The following C8A variants were observed in gnomAD, a reference collection of about 807,000 sequenced individuals.
C8A encodes complement component C8 alpha chain.
A neutral mutation model predicts 65.3 loss-of-function variants in C8A; 67 were observed. The observed-to-expected ratio is 1.03, with a 90% confidence interval of 0.84 to 1.26. The LOEUF (loss-of-function observed/expected upper bound fraction) is 1.26, where lower values mean the gene tolerates loss of function less well. C8A is among the 50% of genes most tolerant of loss of function. The pLI is 0.00. For missense variants in C8A, 781 were observed against 723.9 expected, an observed-to-expected ratio of 1.08 and a Z score of -0.90; for synonymous variants, 290 against 259.4, an observed-to-expected ratio of 1.12 and a Z score of -1.13.
chr1:56,905,425 A>G (rs1644456834), intron 7 of C8A, among the ~76,000 whole-genome samples: 1 of 152,038 alleles, frequency 6.6e-6, no homozygotes, highest in Non-Finnish European at 1.5e-5. Context: ...TTACCAAAAG[A>G]CTCGGGGCAT....
At chr1:56,871,093 C>A in intron 2 of C8A, among the ~76,000 whole-genome samples, 1 of 152,146 alleles carries the variant, frequency 6.6e-6, no homozygotes, top group East Asian at 1.9e-4. Flanking sequence ...CACCATAATT[C>A]CCAGTATAGA....
chr1:56,907,465 A>G (rs562640675), intron 8 of C8A, among the ~76,000 whole-genome samples: 1 of 152,238 alleles, frequency 6.6e-6, no homozygotes, highest in South Asian at 2.1e-4. Flanking sequence ...TTACCTGGCA[A>G]ATATTCACTA....
intron 7 of C8A, among the ~76,000 whole-genome samples, chr1:56,905,744 C>A (rs1644459555): frequency 6.6e-6 from 1 of 152,196 alleles, no homozygotes; most frequent in Non-Finnish European, 1.5e-5. Flanking sequence ...TTAAAGGAAT[C>A]ATGTCTCAAA....
intron 7 of C8A, among the ~76,000 whole-genome samples, chr1:56,893,206 AG>A (rs1457539728): frequency 2.0e-5 from 3 of 152,234 alleles, no homozygotes; most frequent in East Asian, 3.9e-4. Flanking sequence ...CTACTTTAAA[AG>A]TCTGTTGTGA....
At chr1:56,874,355 A>G (rs1016267567) in intron 2 of C8A, among the ~76,000 whole-genome samples, 1 of 152,324 alleles carries the variant, frequency 6.6e-6, no homozygotes, top group Non-Finnish European at 1.5e-5. Context: ...TATAGGAGAT[A>G]TATCTCCAAA....
At chr1:56,916,369 G>T (rs1644552869) in intron 10 of C8A, among the ~76,000 whole-genome samples, 1 of 152,208 alleles carries the variant, frequency 6.6e-6, no homozygotes, top group African/African-American at 2.4e-5. Flanking sequence ...GGGCTGGCAA[G>T]GAAGTCTGAG....
intron 5 of C8A, among the ~76,000 whole-genome samples, chr1:56,882,353 CATTTAATCCTCACA>C: frequency 6.6e-6 from 1 of 152,216 alleles, no homozygotes; most frequent in South Asian, 2.1e-4. Context: ...CAAATTCTCC[CATTTAATCCTCACA>C]ACACAATGGG....
intron 5 of C8A, 94 bp downstream of exon 5, chr1:56,881,728 T>C: frequency 1.6e-6 from 2 of 1,234,098 alleles, no homozygotes; most frequent in Non-Finnish European, 1.2e-6. Context: ...TGGAAGCTTT[T>C]GTTTTCTATA....
In C8A at chr1:56,867,701, AGGT is replaced by A; in HGVS notation, c.171+1_171+3del. 1 of 1,612,474 alleles carries A rather than the reference AGGT, an allele frequency of 6.2e-7. No homozygotes were observed. Among genetic ancestry groups the A allele is most frequent in the Middle Eastern group, 1.7e-4 (1 of 6,058 alleles). The stretch of plus-strand genomic sequence containing the variant: ...GATTGCTTTCCGTGCCAGGACAAAA[AGGT>A]GAGACACTTACAACCGGTTTGGGGG... On this transcript the variant is annotated splice_donor_variant and coding_sequence_variant, in exon 2 of 11. Transcript: ENST00000361249. LOFTEE classifies it high-confidence loss of function.
intron 7 of C8A, 111 bp from the exon 8 acceptor site, chr1:56,906,556 C>A: frequency 2.4e-6 from 3 of 1,252,658 alleles, no homozygotes; most frequent in Non-Finnish European, 3.5e-6. Context: ...TCAACCCAGG[C>A]CTTTTGGACT....
intron 7 of C8A, among the ~76,000 whole-genome samples, chr1:56,887,553 T>C (rs1644309922): frequency 6.6e-6 from 1 of 152,222 alleles, no homozygotes; most frequent in Admixed American, 6.5e-5. Context: ...ATGGAATTGC[T>C]TTATTCTTGT....
chr1:56,882,754 C>A (rs61766986), intron 5 of C8A, among the ~76,000 whole-genome samples: 5,017 of 152,202 alleles, frequency 0.033, 111 homozygotes, highest in Non-Finnish European at 0.053. Context: ...GGCTCTGTAT[C>A]AGGCAAGACG....
chr1:56,893,012 G>A (rs1438747351), intron 7 of C8A, among the ~76,000 whole-genome samples: 5 of 152,220 alleles, frequency 3.3e-5, no homozygotes, highest in African/African-American at 9.6e-5. Flanking sequence ...AAAAACAGCC[G>A]TAGCCATTCT....
intron 1 of C8A, among the ~76,000 whole-genome samples, chr1:56,860,526 T>C (rs1644023590): frequency 6.6e-6 from 1 of 152,196 alleles, no homozygotes. Flanking sequence ...TCTTGATTGC[T>C]GTGCAGAGAA....
rs1644184033 is a variant in C8A at position 56,874,984 on chromosome 1, TG to T, written c.212del (p.Gly71GlufsTer21). On this transcript the variant is annotated frameshift_variant, in exon 3 of 11. Coordinates refer to ENST00000361249, the MANE Select transcript of C8A (RefSeq NM_000562.3). LOFTEE classifies it high-confidence loss of function. Reference protein sequence around the residue: ...HRSLLQPNKFGGTICSGDIWD... With the variant: ...HRSLLQPNKFXGTICSGDIWD... ...GGAGCCTCTTGCAGCCAAACAAGTT[TG>T]GGGGAACCATCTGCAGTGGTGACAT... 5 of 1,613,672 alleles carry T rather than the reference TG, an allele frequency of 3.1e-6. No homozygotes were observed. In the East Asian group the frequency reaches 1.1e-4, roughly 36 times the overall value.
At position 56,875,101 on chromosome 1, in the gene C8A, G is replaced by A. The variant is rs116251949; in HGVS notation, c.316+8G>A. ...TCCAGTGTAAGGAGACAGGTGAGTA[G>A]CATTTCAGCAGAATAACAGCTGTGC... On this transcript the variant is annotated splice_region_variant and intron_variant, in intron 3 of 10. Transcript: ENST00000361249. 1,869 of 1,612,920 alleles carry A rather than the reference G, an allele frequency of 1.2e-3. 31 individuals carry two copies. The African/African-American group carries it at 0.022, about 19-fold the overall frequency.
rs568075491 is a variant in C8A at position 56,897,168 on chromosome 1, T to A, written c.1097-9499T>A. On this transcript the variant is annotated intron_variant, in intron 7 of 10. Transcript: ENST00000361249. The stretch of plus-strand genomic sequence containing the variant: ...GAGTAAATTGGGTTTTAAAAATAAT[T>A]AAGGGAGTATTATTTTTATATCTAT... Among the ~76,000 whole-genome samples, 7 of 152,310 alleles carry A rather than the reference T, an allele frequency of 4.6e-5. No homozygotes were observed. The South Asian group carries it at 1.4e-3, about 32-fold the overall frequency.
intron 10 of C8A, among the ~76,000 whole-genome samples, chr1:56,914,180 C>T (rs1386766582): frequency 6.6e-6 from 1 of 152,160 alleles, no homozygotes; most frequent in East Asian, 1.9e-4. Flanking sequence ...GGACATGGAA[C>T]TTGTATTCTA....
chr1:56,908,609 T>C (rs947657), intron 9 of C8A, among the ~76,000 whole-genome samples: 5,697 of 152,266 alleles, frequency 0.037, 199 homozygotes, highest in South Asian at 0.11. Flanking sequence ...TCAAAGGCCA[T>C]ACAAAAATAA....
Sources: gnomAD v4.1 joint callset for allele counts (sites outside exome capture counted in the v4.1 genomes callset) on GRCh38, gnomAD v4.1.1 for gene constraint, MANE v1.5 for transcripts, NCBI Gene and HGNC (gene_info 2026-07-23, HGNC 2026-07-21) for gene names.